CFTR: variants seen among roughly 807,000 people sequenced by gnomAD.
CFTR encodes cystic fibrosis transmembrane conductance regulator.
A neutral mutation model predicts 171.6 loss-of-function variants in CFTR; 181 were observed. That is an observed-to-expected ratio of 1.05 (90% CI 0.93 to 1.19). The LOEUF is 1.19. CFTR is among the 50% of genes most tolerant of loss of function. The probability of loss-of-function intolerance (pLI) is 0.00; values close to 1 mark genes in which losing one functional copy is unlikely to be tolerated. For missense variants in CFTR, 1,968 were observed against 1,734.7 expected, an observed-to-expected ratio of 1.13 and a Z score of -2.39; for synonymous variants, 583 against 608.0, an observed-to-expected ratio of 0.96 and a Z score of 0.60.
intron 9 of CFTR, among the ~76,000 whole-genome samples, chr7:117,547,854 A>G (rs893314461): frequency 9.9e-5 from 15 of 152,196 alleles, no homozygotes; most frequent in Admixed American, 9.8e-4. Flanking sequence ...GAAGTAGGTC[A>G]GGAGAAATGA....
chr7:117,523,984 G>C (rs191246327), intron 3 of CFTR, among the ~76,000 whole-genome samples: 22 of 152,152 alleles, frequency 1.4e-4, no homozygotes, highest in African/African-American at 5.1e-4. Flanking sequence ...GCATCCTATA[G>C]ACACAAGTTA....
chr7:117,652,798 T>C lies in CFTR; in HGVS notation c.3874-44T>C, dbSNP rs778225826. 6 of 954,418 alleles carry C rather than the reference T, an allele frequency of 6.3e-6. 1 individual carries two copies. Among genetic ancestry groups the C allele is most frequent in the South Asian group, 5.6e-5 (4 of 70,934 alleles). 59.1% of individuals were successfully genotyped at this position (954,418 alleles called of 1,614,324 possible). ...ACAATAAGGGAAAAATAAAAAGTTA[T>C]TTAAGTTATTCATACTTTCTTCTTC... is the stretch of plus-strand genomic sequence containing the variant. On this transcript the variant is annotated intron_variant, in intron 23 of 26. Transcript: ENST00000003084.
intron 22 of CFTR, among the ~76,000 whole-genome samples, chr7:117,641,604 T>C (rs1230281353): frequency 1.3e-5 from 2 of 152,156 alleles, no homozygotes; most frequent in Admixed American, 6.6e-5. Context: ...ACTGCAGTAG[T>C]GTTCTACCTT....
At chr7:117,540,824 G>C (rs558456210) in intron 8 of CFTR, among the ~76,000 whole-genome samples, 1 of 152,326 alleles carries the variant, frequency 6.6e-6, no homozygotes, top group East Asian at 1.9e-4. Flanking sequence ...ATCTAGGCCA[G>C]AGGTTGCAAA....
chr7:117,648,170 C>T (rs1562924856), intron 23 of CFTR, among the ~76,000 whole-genome samples: 1 of 151,420 alleles, frequency 6.6e-6, no homozygotes, highest in Non-Finnish European at 1.5e-5. Flanking sequence ...CACACACACA[C>T]ACACAAATAT....
At chr7:117,501,772 G>GAAAAAAAAAAAAAAAAAAAAAAAAAA (rs1798332750) in intron 1 of CFTR, among the ~76,000 whole-genome samples, 1 of 73,582 alleles carries the variant, frequency 1.4e-5, no homozygotes, top group Non-Finnish European at 2.9e-5. Flanking sequence ...AAAAAAAAAA[G>GAAAAAAAAAAAAAAAAAAAAAAAAAA]AAACAAAAAA....
intron 14 of CFTR, among the ~76,000 whole-genome samples, chr7:117,593,167 G>C (rs1477181293): frequency 6.6e-6 from 1 of 152,050 alleles, no homozygotes; most frequent in Non-Finnish European, 1.5e-5. Context: ...TATCTTGTGA[G>C]TTTGCTTTAT....
At chr7:117,552,798 T>C (rs1799294289) in intron 10 of CFTR, among the ~76,000 whole-genome samples, 1 of 152,166 alleles carries the variant, frequency 6.6e-6, no homozygotes, top group Non-Finnish European at 1.5e-5. Context: ...TCCCACTATC[T>C]TGGACAACTT....
In CFTR at chr7:117,606,766, A is replaced by T. The variant is rs1182945291; in HGVS notation, c.2988+13A>T. The T allele has an allele frequency of 3.9e-6, 5 of 1,288,224 alleles. No individual in the cohort carries two copies. Among genetic ancestry groups the T allele is most frequent in the Non-Finnish European group, 5.7e-6 (5 of 883,456 alleles). 79.8% of individuals were successfully genotyped at this position (1,288,224 alleles called of 1,614,324 possible). On this transcript the variant is annotated intron_variant, in intron 18 of 26. Transcript: ENST00000003084. ...TGACTTCATCCAGGTATGTAAAAAT[A>T]AGTACCGTTAAGTATGTCTGTATTA...
At chr7:117,525,136 A>G (rs1798754434) in intron 3 of CFTR, among the ~76,000 whole-genome samples, 2 of 152,224 alleles carry the variant, frequency 1.3e-5, no homozygotes, top group Admixed American at 6.5e-5. Context: ...CCTGTCTGCT[A>G]TCATTCAAAC....
At chr7:117,511,014 C>T (rs1337723743) in intron 3 of CFTR, among the ~76,000 whole-genome samples, 1 of 151,920 alleles carries the variant, frequency 6.6e-6, no homozygotes, top group African/African-American at 2.4e-5. Flanking sequence ...AGCCTTTGAC[C>T]CTTTCACCAT....
chr7:117,501,481 C>T (rs1253483978), intron 1 of CFTR, among the ~76,000 whole-genome samples: 1 of 151,850 alleles, frequency 6.6e-6, no homozygotes, highest in Non-Finnish European at 1.5e-5. Flanking sequence ...CGCACTGGCT[C>T]ACGTCTGTAA....
In CFTR at chr7:117,602,882, A is replaced by G. The variant is rs1792246958; in HGVS notation, c.2657+19A>G. ...TTGGAAAGTGAGTATTCCATGTCCTATTGTGTAGATTGTGTTTTATTTCTG... is the reference window on the plus strand; with the variant it reads ...TTGGAAAGTGAGTATTCCATGTCCTGTTGTGTAGATTGTGTTTTATTTCTG... On this transcript the variant is annotated intron_variant, in intron 16 of 26. Coordinates refer to ENST00000003084, the MANE Select transcript of CFTR (RefSeq NM_000492.4). The G allele has an allele frequency of 1.1e-5, 17 of 1,593,436 alleles. No individual in the cohort carries two copies. The highest frequency in any genetic ancestry group is 1.5e-5 in the Non-Finnish European group (17 of 1,161,208).
chr7:117,536,720 A>G lies in CFTR; in HGVS notation c.869+47A>G, dbSNP rs1414840028. The G allele has an allele frequency of 2.0e-6, 3 of 1,510,332 alleles. No individual in the cohort carries two copies. In the Admixed American group the frequency reaches 5.1e-5, roughly 25 times the overall value. 93.6% of individuals were successfully genotyped at this position (1,510,332 alleles called of 1,614,324 possible). On this transcript the variant is annotated intron_variant, in intron 7 of 26. Transcript: ENST00000003084. ...AATATTGTTAGTAATTCTGTCCTTA[A>G]TTTTTTAAAAATATGTTTATCATGG... is the stretch of plus-strand genomic sequence containing the variant.
intron 1 of CFTR, among the ~76,000 whole-genome samples, chr7:117,501,363 G>T: frequency 6.6e-6 from 1 of 152,098 alleles, no homozygotes; most frequent in Middle Eastern, 3.4e-3. Flanking sequence ...CAGAAAATTT[G>T]TGAGCTAATT....
intron 17 of CFTR, among the ~76,000 whole-genome samples, chr7:117,603,995 G>T (rs117874995): frequency 6.6e-6 from 1 of 152,294 alleles, no homozygotes; most frequent in Non-Finnish European, 1.5e-5. Flanking sequence ...AGAGTAGCTT[G>T]GTTTGTAAGA....
intron 11 of CFTR, among the ~76,000 whole-genome samples, chr7:117,572,301 C>A (rs1034061481): frequency 6.6e-6 from 1 of 152,032 alleles, no homozygotes; most frequent in African/African-American, 2.4e-5. Flanking sequence ...CACGCCTGGC[C>A]CCTTTTTATT....
At chr7:117,550,612 G>C (rs1038783497) in intron 10 of CFTR, among the ~76,000 whole-genome samples, 7 of 152,172 alleles carry the variant, frequency 4.6e-5, no homozygotes, top group Non-Finnish European at 1.0e-4. Context: ...TGAAAAGGTA[G>C]TAATTGTGTT....
intron 1 of CFTR, among the ~76,000 whole-genome samples, chr7:117,493,386 A>C (rs1399277561): frequency 6.6e-6 from 1 of 152,096 alleles, no homozygotes; most frequent in Non-Finnish European, 1.5e-5. Flanking sequence ...TATTAAGTAA[A>C]AGGGATTTAA....
Sources: gnomAD v4.1 joint callset for allele counts (sites outside exome capture counted in the v4.1 genomes callset) on GRCh38, gnomAD v4.1.1 for gene constraint, MANE v1.5 for transcripts, NCBI Gene and HGNC (gene_info 2026-07-23, HGNC 2026-07-21) for gene names.